PRKCB: variants seen among roughly 807,000 people sequenced by gnomAD.
PRKCB encodes protein kinase C beta, also known as protein kinase C beta type.
In PRKCB, 13 loss-of-function variants were observed where a neutral mutation model predicts 81.5. That is an observed-to-expected ratio of 0.16 (90% confidence interval 0.10 to 0.25). The LOEUF is 0.25. Ranked by LOEUF, PRKCB falls within the 10% of genes least tolerant of loss-of-function variation. PRKCB has a pLI of 1.00. For missense variants in PRKCB, 509 were observed against 875.7 expected (o/e 0.58, Z 5.29); for synonymous variants, 335 against 321.4 (o/e 1.04, Z -0.45).
intron 2 of PRKCB, among the ~76,000 whole-genome samples, chr16:23,876,739 G>A (rs893058957): frequency 6.8e-6 from 1 of 146,882 alleles, no homozygotes; most frequent in Non-Finnish European, 1.5e-5. Context: ...CTAATTTAAG[G>A]ACATCTGAGT....
At chr16:23,954,902 C>T (rs912301080) in intron 2 of PRKCB, among the ~76,000 whole-genome samples, 1 of 152,100 alleles carries the variant, frequency 6.6e-6, no homozygotes, top group Non-Finnish European at 1.5e-5. Flanking sequence ...AACTACAGAA[C>T]ATTAGCTGGG....
chr16:24,193,466 AAT>A (rs1967827740), intron 16 of PRKCB, among the ~76,000 whole-genome samples: 1 of 112,692 alleles, frequency 8.9e-6, no homozygotes, highest in South Asian at 2.6e-4. Context: ...TAAATAAATA[AAT>A]AAATAAATAA....
At chr16:23,904,857 A>G (rs1171758016) in intron 2 of PRKCB, among the ~76,000 whole-genome samples, 1 of 152,106 alleles carries the variant, frequency 6.6e-6, no homozygotes, top group African/African-American at 2.4e-5. Context: ...GAAAGAGGCA[A>G]GGACAGATGG....
intron 2 of PRKCB, among the ~76,000 whole-genome samples, chr16:23,942,566 G>C (rs1964152748): frequency 6.6e-6 from 1 of 152,162 alleles, no homozygotes; most frequent in Non-Finnish European, 1.5e-5. Flanking sequence ...ACTTTTCTAA[G>C]TTTGTTTACT....
intron 2 of PRKCB, among the ~76,000 whole-genome samples, chr16:23,946,728 A>T (rs1964207806): frequency 6.6e-6 from 1 of 152,142 alleles, no homozygotes; most frequent in Non-Finnish European, 1.5e-5. Context: ...TCTAATTAAG[A>T]TGCAGGTTGT....
rs2141972405 is a variant in PRKCB at position 24,180,853 on chromosome 16, C to T, written c.1458C>T (p.Gly486=). The change falls in exon 13 of 17, where the codon GGC becomes GGT. Residue 486 remains glycine, a synonymous_variant. Transcript: ENST00000643927. ...SEGHIKIADF[G]MCKENIWDGV... is the part of the protein sequence containing the mutation. ...GACACATCAAGATTGCCGATTTTGG[C>T]ATGTGTAAGGAAAACATCTGGGATG... is the stretch of plus-strand genomic sequence containing the variant. 6.2e-7 allele frequency: 1 copy of T among 1,614,208 alleles called. No individual in the cohort carries two copies. Among genetic ancestry groups the T allele is most frequent in the Non-Finnish European group, 8.5e-7 (1 of 1,180,022 alleles).
chr16:24,164,809 A>G (rs755438206), intron 10 of PRKCB, among the ~76,000 whole-genome samples: 18 of 152,214 alleles, frequency 1.2e-4, no homozygotes, highest in Non-Finnish European at 2.5e-4. Context: ...TTCATATATT[A>G]GAGTCCAACA....
At chr16:23,959,695 A>G (rs185448159) in intron 2 of PRKCB, among the ~76,000 whole-genome samples, 141 of 145,142 alleles carry the variant, frequency 9.7e-4, no homozygotes, top group East Asian at 7.8e-3. Context: ...CTTGGGTGTC[A>G]CTTCCTCACT....
intron 4 of PRKCB, among the ~76,000 whole-genome samples, chr16:24,033,811 G>A (rs1194893164): frequency 6.6e-6 from 1 of 152,014 alleles, no homozygotes; most frequent in African/African-American, 2.4e-5. Context: ...AGAGAGAGAC[G>A]CCATTACACA....
chr16:24,190,628 C>T (rs1046160785), intron 15 of PRKCB, among the ~76,000 whole-genome samples: 2 of 151,354 alleles, frequency 1.3e-5, no homozygotes, highest in Admixed American at 6.6e-5. Context: ...CAACAATTCT[C>T]CTGCCTCAGC....
chr16:24,102,574 G>A (rs1263974630), intron 7 of PRKCB, among the ~76,000 whole-genome samples: 1 of 152,230 alleles, frequency 6.6e-6, no homozygotes, highest in Non-Finnish European at 1.5e-5. Context: ...GCTATCAGAT[G>A]TGGTGCACCA....
At chr16:24,077,528 A>G (rs1165195462) in intron 5 of PRKCB, among the ~76,000 whole-genome samples, 1 of 149,808 alleles carries the variant, frequency 6.7e-6, no homozygotes. Context: ...CAGTTCATAC[A>G]TTCATCCATA....
chr16:24,019,657 C>T lies in PRKCB; in HGVS notation c.289-12479C>T, dbSNP rs78175584. On this transcript the variant is annotated intron_variant, in intron 3 of 16. Transcript: ENST00000643927. ...CGTGCACCAGTAGTCCCAGACACTTCGGGGGCTGAGGCAGGAGGATTGTTT... is the reference window on the plus strand; with the variant it reads ...CGTGCACCAGTAGTCCCAGACACTTTGGGGGCTGAGGCAGGAGGATTGTTT... 5.3e-3 allele frequency among the ~76,000 whole-genome samples: 801 copies of T among 151,364 alleles called. 11 individuals are homozygous for T. Among genetic ancestry groups the T allele is most frequent in the African/African-American group, 0.019 (767 of 41,222 alleles).
chr16:24,019,472 A>G (rs1965330442), intron 3 of PRKCB, among the ~76,000 whole-genome samples: 1 of 152,346 alleles, frequency 6.6e-6, no homozygotes, highest in Admixed American at 6.5e-5. Context: ...CACTTAAAAA[A>G]TACAACCTTG....
intron 2 of PRKCB, among the ~76,000 whole-genome samples, chr16:23,873,758 G>C (rs1330540718): frequency 1.3e-5 from 2 of 152,206 alleles, no homozygotes; most frequent in African/African-American, 4.8e-5. Flanking sequence ...AGTCTGCCAG[G>C]CATGAGCTGA....
chr16:23,937,905 C>G (rs1182169186), intron 2 of PRKCB, among the ~76,000 whole-genome samples: 6 of 152,148 alleles, frequency 3.9e-5, no homozygotes, highest in South Asian at 2.1e-4. Context: ...AGTTGTGTGG[C>G]TGCCATACGT....
intron 9 of PRKCB, among the ~76,000 whole-genome samples, chr16:24,143,448 A>G (rs988846081): frequency 6.6e-6 from 1 of 152,060 alleles, no homozygotes. Context: ...GGATCTTAAG[A>G]CAGAGGGAGG....
chr16:24,048,736 C>T (rs190426953), intron 5 of PRKCB, among the ~76,000 whole-genome samples: 24 of 152,178 alleles, frequency 1.6e-4, no homozygotes, highest in Admixed American at 7.2e-4. Flanking sequence ...CCCACCTCGG[C>T]CCCCCAAAGT....
chr16:24,214,515 C>A, intron 16 of PRKCB, 143 bp from the exon 17 acceptor site: 2 of 710,452 alleles, frequency 2.8e-6, no homozygotes, highest in African/African-American at 1.8e-5. Flanking sequence ...CATTTCTGAT[C>A]ATTTGAAACA....
Sources: gnomAD v4.1 joint callset for allele counts (sites outside exome capture counted in the v4.1 genomes callset) on GRCh38, gnomAD v4.1.1 for gene constraint, MANE v1.5 for transcripts, NCBI Gene and HGNC (gene_info 2026-07-23, HGNC 2026-07-21) for gene names.